The following IMMP2L variants were observed in gnomAD, a reference collection of about 807,000 sequenced individuals.
IMMP2L encodes the protein mitochondrial inner membrane protease subunit 2.
IMMP2L carries 18 observed loss-of-function variants against 19.3 expected under a neutral mutation model. The observed-to-expected ratio is 0.93, with a 90% confidence interval of 0.64 to 1.38. The LOEUF (loss-of-function observed/expected upper bound fraction) is 1.38. IMMP2L is among the 40% of genes most tolerant of loss of function. The pLI is 0.00. For missense variants in IMMP2L, 233 were observed against 218.2 expected (o/e 1.07, Z -0.43); for synonymous variants, 76 against 73.0 (o/e 1.04, Z -0.21).
At chr7:110,779,200 T>C (rs1231374868) in intron 5 of IMMP2L, among the ~76,000 whole-genome samples, 1 of 151,942 alleles carries the variant, frequency 6.6e-6, no homozygotes, top group Non-Finnish European at 1.5e-5. Flanking sequence ...TTTGTCCACT[T>C]TACAACAGTC....
intron 3 of IMMP2L, chr7:111,392,766 G>C (rs78635244): frequency 0.011 from 5,203 of 456,554 alleles, 55 homozygotes; most frequent in Non-Finnish European, 0.016. Flanking sequence ...TAATTTGCTA[G>C]AGTGGTCATA....
At chr7:110,767,253 A>AAT (rs1798731479) in intron 5 of IMMP2L, among the ~76,000 whole-genome samples, 1 of 152,166 alleles carries the variant, frequency 6.6e-6, no homozygotes, top group Non-Finnish European at 1.5e-5. Flanking sequence ...AAAATGGAAA[A>AAT]GATTGATGAC....
chr7:111,218,402 C>G (rs771652799), intron 3 of IMMP2L, among the ~76,000 whole-genome samples: 1 of 151,846 alleles, frequency 6.6e-6, no homozygotes, highest in Non-Finnish European at 1.5e-5. Flanking sequence ...GTTGTATCGC[C>G]TACATTTAAT....
At chr7:110,977,785 C>G (rs552531396) in intron 3 of IMMP2L, among the ~76,000 whole-genome samples, 1 of 151,564 alleles carries the variant, frequency 6.6e-6, no homozygotes, top group Non-Finnish European at 1.5e-5. Flanking sequence ...CTTCATAAGA[C>G]CTTTGAAATA....
intron 3 of IMMP2L, among the ~76,000 whole-genome samples, chr7:111,356,613 G>T (rs530883013): frequency 1.3e-5 from 2 of 151,628 alleles, no homozygotes; most frequent in Non-Finnish European, 2.9e-5. Context: ...AAAAGTTTTA[G>T]AAGAATTCTC....
Position 111,032,867 on chromosome 7 carries a change from T to G in IMMP2L, c.240-69302A>C, listed in dbSNP as rs1790968984. On this transcript the variant is annotated intron_variant, in intron 3 of 5. Transcript: ENST00000405709. ...GGGTGTGGTGGCTCATGCCTGTAAT[T>G]CCAGCACTTTGGGAAGCAGAGGTGG... 2.0e-5 allele frequency among the ~76,000 whole-genome samples: 3 copies of G among 150,890 alleles called. No individual in the cohort carries two copies. The South Asian group carries it at 6.4e-4, about 32-fold the overall frequency.
At position 111,057,105 on chromosome 7, in the gene IMMP2L, C is replaced by CACG. The variant is rs527524700; in HGVS notation, c.240-93543_240-93541dup. ...AATTCTTTTTTGAGTTCATAAAGGA[C>CACG]ACGACACTTTGGTTGCCACCGATAA... is the stretch of plus-strand genomic sequence containing the variant. On this transcript the variant is annotated intron_variant, in intron 3 of 5. Coordinates refer to ENST00000405709, the MANE Select transcript of IMMP2L (RefSeq NM_032549.4). Among the ~76,000 whole-genome samples the CACG allele has an allele frequency of 2.4e-4, 36 of 152,208 alleles. No homozygotes were observed. In the South Asian group the frequency reaches 7.5e-3, roughly 32 times the overall value.
intron 3 of IMMP2L, among the ~76,000 whole-genome samples, chr7:111,373,106 T>G (rs765156455): frequency 1.3e-5 from 2 of 149,246 alleles, no homozygotes; most frequent in Admixed American, 6.7e-5. Context: ...CACTTTAAAG[T>G]AGCATTAAGT....
chr7:110,666,385 C>T (rs1036421045), intron 5 of IMMP2L, among the ~76,000 whole-genome samples: 7 of 152,144 alleles, frequency 4.6e-5, no homozygotes, highest in African/African-American at 1.7e-4. Context: ...CGCCATTCTC[C>T]TGCCTCAGCC....
rs1798187633 is a variant in IMMP2L at position 110,758,910 on chromosome 7, G to A, written c.409-95189C>T. On this transcript the variant is annotated intron_variant, in intron 5 of 5. Coordinates refer to ENST00000405709, the MANE Select transcript of IMMP2L (RefSeq NM_032549.4). This position sits in a 1 kb window ranked among gnomAD's most constrained non-coding sequence, Gnocchi z 4.6. ...TCATGGAGAGAAAAAAATGAAAAGTGCTTATAGACAGAGACGTCTAGAAAT... is the reference window on the plus strand; with the variant it reads ...TCATGGAGAGAAAAAAATGAAAAGTACTTATAGACAGAGACGTCTAGAAAT... Among the ~76,000 whole-genome samples, 1 of 152,042 alleles carries A rather than the reference G, an allele frequency of 6.6e-6. No homozygotes were observed. Among genetic ancestry groups the A allele is most frequent in the Non-Finnish European group, 1.5e-5 (1 of 67,988 alleles).
intron 3 of IMMP2L, among the ~76,000 whole-genome samples, chr7:111,101,790 G>A (rs1202818374): frequency 6.6e-6 from 1 of 151,410 alleles, no homozygotes; most frequent in Non-Finnish European, 1.5e-5. Flanking sequence ...CAGTTAATAT[G>A]TAATAATGTA....
chr7:110,668,259 A>T (rs976399294), intron 5 of IMMP2L, among the ~76,000 whole-genome samples: 3 of 152,238 alleles, frequency 2.0e-5, no homozygotes, highest in Non-Finnish European at 4.4e-5. Context: ...ATTCCAGAAC[A>T]TCCTAAAAAA....
At chr7:111,014,842 G>A (rs1275956246) in intron 3 of IMMP2L, among the ~76,000 whole-genome samples, 1 of 152,086 alleles carries the variant, frequency 6.6e-6, no homozygotes, top group Non-Finnish European at 1.5e-5. Flanking sequence ...ACCACAGTGA[G>A]ATATCATCCC....
intron 5 of IMMP2L, among the ~76,000 whole-genome samples, chr7:110,843,620 T>G (rs1805328864): frequency 6.6e-6 from 1 of 151,984 alleles, no homozygotes; most frequent in Admixed American, 6.6e-5. Flanking sequence ...AGAATAAAAC[T>G]CGGTGAACAG....
intron 5 of IMMP2L, among the ~76,000 whole-genome samples, chr7:110,689,093 C>T (rs1459499639): frequency 1.3e-5 from 2 of 151,860 alleles, no homozygotes; most frequent in Non-Finnish European, 1.5e-5. Context: ...GGGTGTCATC[C>T]TGGGCCTACT....
At position 111,074,369 on chromosome 7, in the gene IMMP2L, A is replaced by G. The variant is rs116110515; in HGVS notation, c.240-110804T>C. Among the ~76,000 whole-genome samples the G allele has an allele frequency of 9.6e-3, 1,460 of 152,304 alleles. 24 individuals carry two copies. Among genetic ancestry groups the G allele is most frequent in the African/African-American group, 0.033 (1,378 of 41,544 alleles). On this transcript the variant is annotated intron_variant, in intron 3 of 5. Coordinates refer to ENST00000405709, the MANE Select transcript of IMMP2L (RefSeq NM_032549.4). The stretch of plus-strand genomic sequence containing the variant: ...CTAATTTGCTTTTCATAAACACCAC[A>G]CTTGCAATAAACTTTTAAAGCAAGA...
intron 3 of IMMP2L, chr7:111,392,974 T>G: frequency 2.6e-6 from 1 of 383,952 alleles, no homozygotes; most frequent in Admixed American, 3.3e-5. Flanking sequence ...AACCCAAGCA[T>G]TTAGGGGTTT....
At chr7:110,818,270 A>G (rs1584925494) in intron 5 of IMMP2L, among the ~76,000 whole-genome samples, 1 of 152,322 alleles carries the variant, frequency 6.6e-6, no homozygotes, top group African/African-American at 2.4e-5. Context: ...TTTACAAGAA[A>G]AAAACAAACA....
intron 5 of IMMP2L, among the ~76,000 whole-genome samples, chr7:110,738,503 C>T (rs1425332030): frequency 6.6e-6 from 1 of 152,012 alleles, no homozygotes; most frequent in Non-Finnish European, 1.5e-5. Flanking sequence ...TCGAATTTAC[C>T]CAATATGTCA....
Sources: allele counts gnomAD v4.1 joint callset (sites outside exome capture counted in the v4.1 genomes callset), GRCh38; gene constraint gnomAD v4.1.1; non-coding constraint Gnocchi (gnomAD v3.1); transcripts MANE v1.5; gene names NCBI Gene and HGNC (gene_info 2026-07-23, HGNC 2026-07-21).